SNTG1: variants seen among roughly 807,000 people sequenced by gnomAD.
SNTG1 encodes the protein gamma-1-syntrophin.
A neutral mutation model predicts 74.7 loss-of-function variants in SNTG1; 39 were observed. That is an observed-to-expected ratio of 0.52 (90% CI 0.40 to 0.68). The LOEUF is 0.68. SNTG1 is among the 30% of genes least tolerant of loss of function. The pLI is 0.00. For synonymous variants in SNTG1, 254 were observed against 217.1 expected, an observed-to-expected ratio of 1.17 and a Z score of -1.49; for missense variants, 685 against 609.5, an observed-to-expected ratio of 1.12 and a Z score of -1.30.
At chr8:50,284,456 G>A (rs1026335366) in intron 2 of SNTG1, among the ~76,000 whole-genome samples, 2 of 152,200 alleles carry the variant, frequency 1.3e-5, no homozygotes, top group African/African-American at 4.8e-5. Context: ...TTGTTCAAAT[G>A]TTCTGACTTT....
At chr8:50,736,091 A>G (rs2095527967) in intron 17 of SNTG1, among the ~76,000 whole-genome samples, 1 of 152,118 alleles carries the variant, frequency 6.6e-6, no homozygotes, top group Non-Finnish European at 1.5e-5. Flanking sequence ...TGTCACCACC[A>G]GGCCTGCCTT....
rs1425150469 is a variant in SNTG1, at chr8:50,064,836, G to T, written c.-102-107725G>T. 6.6e-5 allele frequency among the ~76,000 whole-genome samples: 10 copies of T among 152,170 alleles called. 1 individual carries two copies. ...GAGCTGACTCTTTACAACCATGTCT[G>T]AAATACCCTGCAACCCTTGATGCTC... On this transcript the variant is annotated intron_variant, in intron 1 of 18. Coordinates refer to ENST00000642720, the MANE Select transcript of SNTG1 (RefSeq NM_018967.5).
chr8:50,640,852 C>A (rs1025970465), intron 13 of SNTG1, among the ~76,000 whole-genome samples: 3 of 152,106 alleles, frequency 2.0e-5, no homozygotes, highest in African/African-American at 7.2e-5. Context: ...TAGAGTGATA[C>A]CTTCAAACCT....
At chr8:50,581,512 T>C (rs1033714651) in intron 12 of SNTG1, among the ~76,000 whole-genome samples, 2 of 152,194 alleles carry the variant, frequency 1.3e-5, no homozygotes, top group Admixed American at 6.5e-5. Context: ...GAACTTCCTT[T>C]TAAATTATAA....
intron 1 of SNTG1, among the ~76,000 whole-genome samples, chr8:50,074,632 A>G (rs1246194136): frequency 6.6e-6 from 1 of 152,248 alleles, no homozygotes; most frequent in Non-Finnish European, 1.5e-5. Flanking sequence ...CTGGTAACAG[A>G]TCACCACAAC....
intron 15 of SNTG1, among the ~76,000 whole-genome samples, chr8:50,697,426 C>T (rs1486276416): frequency 6.6e-6 from 1 of 152,090 alleles, no homozygotes; most frequent in Non-Finnish European, 1.5e-5. Context: ...GTTTATTTCT[C>T]TTGCCTAATT....
At chr8:50,494,624 T>C (rs908401989) in intron 8 of SNTG1, among the ~76,000 whole-genome samples, 6 of 152,014 alleles carry the variant, frequency 3.9e-5, no homozygotes, top group South Asian at 2.1e-4. Flanking sequence ...AAGAAAATGT[T>C]GCTTGAATCA....
intron 15 of SNTG1, among the ~76,000 whole-genome samples, chr8:50,693,848 T>C (rs982590504): frequency 2.6e-5 from 4 of 152,072 alleles, no homozygotes; most frequent in African/African-American, 9.7e-5. Flanking sequence ...AACAACATGC[T>C]CCTGAACAAC....
At chr8:50,351,738 T>C (rs2091668693) in intron 2 of SNTG1, among the ~76,000 whole-genome samples, 1 of 152,200 alleles carries the variant, frequency 6.6e-6, no homozygotes, top group Non-Finnish European at 1.5e-5. Context: ...CTTTTCAATA[T>C]CAGGATATGC....
chr8:50,038,780 G>A (rs13259670), intron 1 of SNTG1, among the ~76,000 whole-genome samples: 126,906 of 152,216 alleles, frequency 0.83, 53,372 homozygotes, highest in East Asian at 0.99. Flanking sequence ...AGTGCTGATC[G>A]CACATTTGAT....
At chr8:50,100,683 A>G (rs1272968769) in intron 1 of SNTG1, among the ~76,000 whole-genome samples, 2 of 152,100 alleles carry the variant, frequency 1.3e-5, no homozygotes, top group Non-Finnish European at 2.9e-5. Flanking sequence ...TTAGAGTTTT[A>G]TCTAGATTTT....
In SNTG1 at chr8:50,123,063, T is replaced by A. The variant is rs1037366530; in HGVS notation, c.-102-49498T>A. On this transcript the variant is annotated intron_variant, in intron 1 of 18. Transcript: ENST00000642720. The stretch of plus-strand genomic sequence containing the variant: ...CAGACCAGGTCATCAATACTGCAGG[T>A]GAGAGTAGGTCACCAGAGTACAAAA... Among the ~76,000 whole-genome samples, 9 of 142,222 alleles carry A rather than the reference T, an allele frequency of 6.3e-5. 1 individual carries two copies. The highest frequency in any genetic ancestry group is 1.1e-4 in the Non-Finnish European group (7 of 63,854). 93.3% of individuals were successfully genotyped at this position (142,222 alleles called of 152,430 possible). A position where few individuals can be genotyped will look rare whatever the true frequency, so the allele number is the denominator to read the frequency against.
intron 15 of SNTG1, among the ~76,000 whole-genome samples, chr8:50,693,395 C>T (rs2095390769): frequency 1.3e-5 from 2 of 152,058 alleles, no homozygotes; most frequent in African/African-American, 4.8e-5. Flanking sequence ...AATCTTGGCT[C>T]CTCCCCCGGG....
At chr8:50,381,835 A>ATATTTTATATATATATT (rs1554509532) in intron 2 of SNTG1, 2 of 131,076 alleles carry the variant, frequency 1.5e-5, no homozygotes, top group Non-Finnish European at 3.2e-5. Flanking sequence ...ATATATATAT[A>ATATTTTATATATATATT]TTATATATAT....
intron 15 of SNTG1, among the ~76,000 whole-genome samples, chr8:50,669,026 A>C (rs2095264797): frequency 1.3e-5 from 2 of 152,188 alleles, no homozygotes; most frequent in Middle Eastern, 3.4e-3. Flanking sequence ...TCTCTGGGAC[A>C]CATTCAAAGC....
At chr8:50,733,519 AGTG>A (rs1485961886) in intron 17 of SNTG1, among the ~76,000 whole-genome samples, 1 of 152,082 alleles carries the variant, frequency 6.6e-6, no homozygotes, top group African/African-American at 2.4e-5. Flanking sequence ...TGCTTTCCAC[AGTG>A]GTGGTGCAAA....
chr8:50,222,707 G>A (rs2085131092), intron 2 of SNTG1, among the ~76,000 whole-genome samples: 1 of 152,114 alleles, frequency 6.6e-6, no homozygotes, highest in African/African-American at 2.4e-5. Context: ...CTAAGAGTAA[G>A]GATTCACTTG....
At chr8:50,480,547 A>G (rs952921744) in intron 8 of SNTG1, among the ~76,000 whole-genome samples, 3 of 152,210 alleles carry the variant, frequency 2.0e-5, no homozygotes, top group African/African-American at 7.2e-5. Flanking sequence ...AAGTAAATGG[A>G]AACAAATTGC....
chr8:50,078,919 A>G (rs942142169), intron 1 of SNTG1, among the ~76,000 whole-genome samples: 3 of 152,150 alleles, frequency 2.0e-5, no homozygotes, highest in Admixed American at 6.5e-5. Flanking sequence ...ATAGTATTCC[A>G]TGGTGTATAT....
Sources: gnomAD v4.1 joint callset for allele counts (sites outside exome capture counted in the v4.1 genomes callset) on GRCh38, gnomAD v4.1.1 for gene constraint, MANE v1.5 for transcripts, NCBI Gene and HGNC (gene_info 2026-07-23, HGNC 2026-07-21) for gene names.